The following PHLPP1 variants were observed in gnomAD, a reference collection of about 807,000 sequenced individuals.
The protein encoded by PHLPP1 is PH domain leucine-rich repeat-containing protein phosphatase 1.
In PHLPP1, 42 loss-of-function variants were observed where a neutral mutation model predicts 117.2. The ratio of observed to expected loss-of-function variants is 0.36; its 90% confidence interval spans 0.28 to 0.46. PHLPP1 has a LOEUF of 0.46. PHLPP1 is among the 20% of genes least tolerant of loss of function. The probability of loss-of-function intolerance (pLI) is 1.00; values close to 1 mark genes in which losing one functional copy is unlikely to be tolerated. For synonymous variants in PHLPP1, 1,042 were observed against 970.7 expected (o/e 1.07, Z -1.37); for missense variants, 2,084 against 2,241.9 (o/e 0.93, Z 1.42).
At chr18:62,833,177 G>A (rs548769169) in intron 2 of PHLPP1, among the ~76,000 whole-genome samples, 23 of 152,190 alleles carry the variant, frequency 1.5e-4, no homozygotes, top group Middle Eastern at 6.8e-3. Flanking sequence ...GGGTTCAAGC[G>A]ATTCTCCTGC....
chr18:62,804,834 C>T (rs1446948326), intron 1 of PHLPP1, among the ~76,000 whole-genome samples: 1 of 147,712 alleles, frequency 6.8e-6, no homozygotes, highest in Non-Finnish European at 1.5e-5. Context: ...ATATATTATA[C>T]ATATACAGTA....
intron 3 of PHLPP1, among the ~76,000 whole-genome samples, chr18:62,858,120 A>G (rs2144359715): frequency 6.6e-6 from 1 of 152,332 alleles, no homozygotes; most frequent in South Asian, 2.1e-4. Context: ...CAGAAAGATA[A>G]AATTGGTAAA....
intron 14 of PHLPP1, among the ~76,000 whole-genome samples, chr18:62,965,289 A>G (rs1910870218): frequency 6.6e-6 from 1 of 151,958 alleles, no homozygotes; most frequent in Non-Finnish European, 1.5e-5. Flanking sequence ...TTGCCACCTT[A>G]AAAGAAGGGG....
intron 10 of PHLPP1, among the ~76,000 whole-genome samples, chr18:62,926,014 G>A (rs1049907279): frequency 6.6e-6 from 1 of 152,172 alleles, no homozygotes; most frequent in African/African-American, 2.4e-5. Context: ...AACTGAATGT[G>A]TCTAGAGATA....
At chr18:62,802,118 G>A (rs953752293) in intron 1 of PHLPP1, among the ~76,000 whole-genome samples, 1 of 152,140 alleles carries the variant, frequency 6.6e-6, no homozygotes, top group African/African-American at 2.4e-5. Context: ...GAGCAGAGGG[G>A]GTTATGAGGA....
intron 1 of PHLPP1, among the ~76,000 whole-genome samples, chr18:62,770,068 C>T (rs1764820598): frequency 6.6e-6 from 1 of 151,922 alleles, no homozygotes; most frequent in African/African-American, 2.4e-5. Context: ...TTTTTATTTC[C>T]AAATCATGTA....
At position 62,945,122 on chromosome 18, in the gene PHLPP1, C is replaced by G; in HGVS notation, c.3175C>G (p.Leu1059Val). The stretch of plus-strand genomic sequence containing the variant: ...CTCTTTTTTTAGTAAAATGGCGAAA[C>G]TGGAGGAACTTGAAGAAATTGATCT... ...QSFPASKMAK[L>V]EELEEIDLSG... Residue 1059 changes from leucine (L) to valine (V), a missense_variant, in exon 12 of 17, where the codon CTG (leucine) becomes GTG (valine). This residue lies in a region of PHLPP1 where 1,365 missense variants were observed against 1,605.9 expected (regional missense o/e 0.85). Transcript: ENST00000262719. 1 of 1,586,070 alleles carries G rather than the reference C, an allele frequency of 6.3e-7. No individual in the cohort carries two copies. Among genetic ancestry groups the G allele is most frequent in the Non-Finnish European group, 8.5e-7 (1 of 1,170,184 alleles).
intron 6 of PHLPP1, among the ~76,000 whole-genome samples, chr18:62,900,433 C>T (rs376206306): frequency 0.023 from 1,226 of 54,154 alleles, 299 homozygotes; most frequent in African/African-American, 0.067. Flanking sequence ...CTTTTTCTTT[C>T]TTTTTTTTTT....
intron 1 of PHLPP1, among the ~76,000 whole-genome samples, chr18:62,766,863 T>G (rs1012595149): frequency 6.6e-6 from 1 of 152,202 alleles, no homozygotes; most frequent in Admixed American, 6.5e-5. Context: ...CACTAACTCT[T>G]AAGAGTTATG....
chr18:62,750,074 G>A lies in PHLPP1; in HGVS notation c.1576+32815G>A, dbSNP rs142796740. Among the ~76,000 whole-genome samples the A allele has an allele frequency of 6.3e-3, 953 of 152,054 alleles. 6 individuals carry two copies. The highest frequency in any genetic ancestry group is 9.1e-3 in the Non-Finnish European group (616 of 67,948). On this transcript the variant is annotated intron_variant, in intron 1 of 16. Transcript: ENST00000262719. The stretch of plus-strand genomic sequence containing the variant: ...CAAAAAAAGAATACCAGTCAGATTG[G>A]GTTAAGGCCCACCCTAACAGCCTCA...
intron 1 of PHLPP1, among the ~76,000 whole-genome samples, chr18:62,800,065 C>G (rs542538464): frequency 6.6e-6 from 1 of 152,148 alleles, no homozygotes; most frequent in Non-Finnish European, 1.5e-5. Context: ...ATGCTAGACC[C>G]TTTAGCTAGA....
At chr18:62,817,779 TAAAAAG>T (rs1914331983) in intron 1 of PHLPP1, among the ~76,000 whole-genome samples, 2 of 141,882 alleles carry the variant, frequency 1.4e-5, no homozygotes, top group Admixed American at 7.1e-5. Flanking sequence ...AAACCAGTGA[TAAAAAG>T]AAAAAAATCT....
chr18:62,767,114 G>T (rs1236320175), intron 1 of PHLPP1, among the ~76,000 whole-genome samples: 1 of 152,100 alleles, frequency 6.6e-6, no homozygotes, highest in Non-Finnish European at 1.5e-5. Context: ...AAAATATCTC[G>T]CTTTGAGCAT....
intron 4 of PHLPP1, among the ~76,000 whole-genome samples, chr18:62,890,646 C>T (rs936941027): frequency 6.6e-6 from 1 of 152,162 alleles, no homozygotes; most frequent in African/African-American, 2.4e-5. Flanking sequence ...GGAGTGATAT[C>T]ATCCTAGTAA....
At chr18:62,758,797 C>A (rs1309360868) in intron 1 of PHLPP1, among the ~76,000 whole-genome samples, 1 of 152,192 alleles carries the variant, frequency 6.6e-6, no homozygotes, top group Non-Finnish European at 1.5e-5. Flanking sequence ...AACGATCTTT[C>A]CACCTCTTTG....
chr18:62,840,193 A>G (rs1311986063), intron 3 of PHLPP1, among the ~76,000 whole-genome samples: 1 of 152,236 alleles, frequency 6.6e-6, no homozygotes, highest in African/African-American at 2.4e-5. Context: ...TACTGGCCAC[A>G]TTTGAATTAC....
chr18:62,802,186 G>T (rs745342339), intron 1 of PHLPP1, among the ~76,000 whole-genome samples: 1 of 152,182 alleles, frequency 6.6e-6, no homozygotes, highest in Non-Finnish European at 1.5e-5. Context: ...AAAGAAGAAA[G>T]GTTGGCTCAC....
chr18:62,891,618 G>A (rs144540896), intron 4 of PHLPP1, among the ~76,000 whole-genome samples: 38 of 150,570 alleles, frequency 2.5e-4, no homozygotes, highest in Middle Eastern at 3.6e-3. Context: ...GGGTAGGCAC[G>A]ATGACTCATG....
intron 3 of PHLPP1, among the ~76,000 whole-genome samples, chr18:62,850,834 C>T (rs181766899): frequency 3.3e-5 from 5 of 152,196 alleles, no homozygotes; most frequent in Admixed American, 3.3e-4. Context: ...CACTTTTGGC[C>T]GCATGATGAG....
Sources: gnomAD v4.1 joint callset for allele counts (sites outside exome capture counted in the v4.1 genomes callset) on GRCh38, gnomAD v4.1.1 for gene constraint, gnomAD v4.1.1 regional missense constraint, MANE v1.5 for transcripts, NCBI Gene and HGNC (gene_info 2026-07-23, HGNC 2026-07-21) for gene names.